The following TSPAN9 variants were observed in gnomAD, a reference collection of about 807,000 sequenced individuals.
TSPAN9 encodes tetraspanin 9.
In TSPAN9, 16 loss-of-function variants were observed where a neutral mutation model predicts 31.0. The observed-to-expected ratio is 0.52, with a 90% CI of 0.35 to 0.78. The LOEUF (loss-of-function observed/expected upper bound fraction) is 0.78, where lower values mean the gene tolerates loss of function less well. Ranked by LOEUF, TSPAN9 falls within the 30% of genes least tolerant of loss-of-function variation. The pLI is 0.01. For synonymous variants in TSPAN9, 145 were observed against 121.6 expected, an observed-to-expected ratio of 1.19 and a Z score of -1.27; for missense variants, 272 against 312.5, an observed-to-expected ratio of 0.87 and a Z score of 0.98.
At chr12:3,110,317 A>C (rs184537305) in intron 2 of TSPAN9, among the ~76,000 whole-genome samples, 96 of 152,322 alleles carry the variant, frequency 6.3e-4, no homozygotes, top group Middle Eastern at 3.4e-3. Flanking sequence ...GCTCTAGGAA[A>C]TATTAACAGC....
intron 2 of TSPAN9, among the ~76,000 whole-genome samples, chr12:3,129,666 T>C (rs942046424): frequency 3.3e-5 from 5 of 152,234 alleles, no homozygotes; most frequent in Non-Finnish European, 7.3e-5. Flanking sequence ...AGATAATCCA[T>C]GTATAGGACT....
chr12:3,196,338 C>T (rs7977968), intron 2 of TSPAN9, among the ~76,000 whole-genome samples: 2 of 151,952 alleles, frequency 1.3e-5, no homozygotes, highest in Admixed American at 1.3e-4. Flanking sequence ...ACTGCCCCTT[C>T]CTCAGGGTCC....
chr12:3,175,100 G>A (rs2098354768), intron 2 of TSPAN9, among the ~76,000 whole-genome samples: 1 of 150,770 alleles, frequency 6.6e-6, no homozygotes, highest in Non-Finnish European at 1.5e-5. Flanking sequence ...CTGTGCACAC[G>A]ACCCCTGCAG....
At chr12:3,186,482 C>G (rs906742515) in intron 2 of TSPAN9, among the ~76,000 whole-genome samples, 1 of 151,924 alleles carries the variant, frequency 6.6e-6, no homozygotes, top group South Asian at 2.1e-4. Flanking sequence ...TGTAAAGTCT[C>G]CAATGTAAGA....
intron 3 of TSPAN9, among the ~76,000 whole-genome samples, chr12:3,265,170 T>G (rs1591713819): frequency 6.6e-6 from 1 of 152,202 alleles, no homozygotes; most frequent in East Asian, 1.9e-4. Flanking sequence ...CATGGGCAGG[T>G]TACTCTTTTC....
rs2098315285 is a variant in TSPAN9, at chr12:3,107,493, A to G, written c.-18+23774A>G. Among the ~76,000 whole-genome samples the G allele has an allele frequency of 6.6e-6, 1 of 152,064 alleles. No individual in the cohort carries two copies. Among genetic ancestry groups the G allele is most frequent in the African/African-American group, 2.4e-5 (1 of 41,412 alleles). On this transcript the variant is annotated intron_variant, in intron 2 of 8. Coordinates refer to ENST00000011898, the MANE Select transcript of TSPAN9 (RefSeq NM_006675.5). This position sits in a 1 kb window ranked among gnomAD's most constrained non-coding sequence, Gnocchi z 4.1. ...TCTCTGGGTTTCACAGGCTGGGGTG[A>G]GGAGAGAGGGACCAAGGACAGCAGA...
chr12:3,220,832 C>T (rs1458309263), intron 3 of TSPAN9, among the ~76,000 whole-genome samples: 1 of 152,138 alleles, frequency 6.6e-6, no homozygotes, highest in Non-Finnish European at 1.5e-5. Flanking sequence ...TTTCTGGGTT[C>T]TTCCGTTCAG....
chr12:3,192,933 G>C lies in TSPAN9; in HGVS notation c.-17-8244G>C, dbSNP rs190313880. ...TTCCATGTTGACTATAATAAGTATT[G>C]TTGGGAATGATAATAGTGCCTCCAT... On this transcript the variant is annotated intron_variant, in intron 2 of 8. Coordinates refer to ENST00000011898, the MANE Select transcript of TSPAN9 (RefSeq NM_006675.5). This position sits in a 1 kb window ranked among gnomAD's most constrained non-coding sequence, Gnocchi z 4.6. Among the ~76,000 whole-genome samples, 25 of 152,228 alleles carry C rather than the reference G, an allele frequency of 1.6e-4. No homozygotes were observed. Among genetic ancestry groups the C allele is most frequent in the African/African-American group, 6.0e-4 (25 of 41,482 alleles).
At chr12:3,248,826 T>G (rs3782788) in intron 3 of TSPAN9, among the ~76,000 whole-genome samples, 55,015 of 151,900 alleles carry the variant, frequency 0.36, 10,295 homozygotes, top group East Asian at 0.55. Flanking sequence ...CACTGGTCTT[T>G]CAAACTTGTT....
intron 2 of TSPAN9, among the ~76,000 whole-genome samples, chr12:3,122,777 T>C (rs7955810): frequency 0.18 from 27,912 of 152,182 alleles, 2,656 homozygotes; most frequent in Middle Eastern, 0.24. Flanking sequence ...ATGTCCTTTC[T>C]GAATTAATTA....
intron 2 of TSPAN9, among the ~76,000 whole-genome samples, chr12:3,150,403 C>A (rs2098339198): frequency 6.6e-6 from 1 of 152,044 alleles, no homozygotes; most frequent in Non-Finnish European, 1.5e-5. Flanking sequence ...GTCATAAAAC[C>A]CCTAAATGGA....
At chr12:3,139,649 C>T (rs990271425) in intron 2 of TSPAN9, among the ~76,000 whole-genome samples, 30 of 152,156 alleles carry the variant, frequency 2.0e-4, no homozygotes, top group Admixed American at 1.7e-3. Flanking sequence ...AGGCTCAAGT[C>T]GTTCTCCCAC....
At chr12:3,248,239 T>C (rs1375012109) in intron 3 of TSPAN9, among the ~76,000 whole-genome samples, 1 of 152,118 alleles carries the variant, frequency 6.6e-6, no homozygotes, top group Non-Finnish European at 1.5e-5. Context: ...CTAGGCACAC[T>C]CTCTACTTAT....
Position 3,107,685 on chromosome 12 carries a change from C to G in TSPAN9, c.-18+23966C>G, listed in dbSNP as rs1490774717. 6.6e-6 allele frequency among the ~76,000 whole-genome samples: 1 copy of G among 152,200 alleles called. No homozygotes were observed. Among genetic ancestry groups the G allele is most frequent in the South Asian group, 2.1e-4 (1 of 4,836 alleles). On this transcript the variant is annotated intron_variant, in intron 2 of 8. Coordinates refer to ENST00000011898, the MANE Select transcript of TSPAN9 (RefSeq NM_006675.5). This position sits in a 1 kb window ranked among gnomAD's most constrained non-coding sequence, Gnocchi z 4.1. ...CCTTTAGGTCACGCCCAGAGACAGC[C>G]TTTTGCTTCAGTGTCCTCATTCTTC...
intron 2 of TSPAN9, among the ~76,000 whole-genome samples, chr12:3,156,028 C>A (rs1182117091): frequency 6.6e-6 from 1 of 152,174 alleles, no homozygotes; most frequent in Non-Finnish European, 1.5e-5. Context: ...AGTAAACACC[C>A]AGTGTTATTT....
At chr12:3,104,816 G>A (rs867844000) in intron 2 of TSPAN9, among the ~76,000 whole-genome samples, 2 of 152,370 alleles carry the variant, frequency 1.3e-5, no homozygotes, top group Middle Eastern at 3.4e-3. Flanking sequence ...AAAAGGTGGT[G>A]GAGCCAGCTG....
chr12:3,128,923 A>G (rs2098328553), intron 2 of TSPAN9, among the ~76,000 whole-genome samples: 1 of 152,030 alleles, frequency 6.6e-6, no homozygotes, highest in South Asian at 2.1e-4. Flanking sequence ...ATAACTTCCC[A>G]TTCTCCCCCT....
chr12:3,080,443 C>A (rs186765705), intron 1 of TSPAN9, among the ~76,000 whole-genome samples: 83 of 152,246 alleles, frequency 5.5e-4, no homozygotes, highest in African/African-American at 1.9e-3. Flanking sequence ...TCAAGCAATT[C>A]TCTGCCTCAG....
chr12:3,227,386 G>C (rs2098388410), intron 3 of TSPAN9, among the ~76,000 whole-genome samples: 2 of 152,144 alleles, frequency 1.3e-5, no homozygotes, highest in Admixed American at 6.5e-5. Flanking sequence ...GACAAGGGCT[G>C]GCTTCTGACA....
Sources: gnomAD v4.1 joint callset for allele counts (sites outside exome capture counted in the v4.1 genomes callset) on GRCh38, gnomAD v4.1.1 for gene constraint, Gnocchi (gnomAD v3.1) non-coding constraint, MANE v1.5 for transcripts, NCBI Gene and HGNC (gene_info 2026-07-23, HGNC 2026-07-21) for gene names.